Variants in SMARCA2 observed in about 807,000 individuals in gnomAD.
SMARCA2 encodes SWI/SNF related BAF chromatin remodeling complex subunit ATPase 2, also known as SWI/SNF-related matrix-associated actin-dependent regulator of chromatin subfamily A member 2.
SMARCA2 carries 61 observed loss-of-function variants against 199.8 expected under a neutral mutation model. That is an observed-to-expected ratio of 0.31 (90% CI 0.25 to 0.38). The LOEUF (loss-of-function observed/expected upper bound fraction) is 0.38, where lower values mean the gene tolerates loss of function less well. Among genes scored for constraint, SMARCA2 ranks in the 10% least tolerant of loss-of-function variants. SMARCA2 has a pLI of 1.00. For synonymous variants in SMARCA2, 935 were observed against 732.0 expected (o/e 1.28, Z -4.48); for missense variants, 1,344 against 2,012.2 (o/e 0.67, Z 6.35).
At chr9:2,162,141 A>G (rs1825713502) in intron 28 of SMARCA2, among the ~76,000 whole-genome samples, 2 of 152,366 alleles carry the variant, frequency 1.3e-5, no homozygotes, top group African/African-American at 4.8e-5. Flanking sequence ...CAAAATGTTT[A>G]AAATATCTAA....
rs1456408774 is a variant in SMARCA2 at position 2,017,977 on chromosome 9, G to C, written c.-37+2573G>C. 2.0e-5 allele frequency: 3 copies of C among 152,278 alleles called. No individual in the cohort carries two copies. 9.4% of individuals were successfully genotyped at this position (152,278 alleles called of 1,614,324 possible). On this transcript the variant is annotated intron_variant, in intron 1 of 33. Coordinates refer to ENST00000349721, the MANE Select transcript of SMARCA2 (RefSeq NM_003070.5). The surrounding 1 kb of genome is among the most constrained non-coding windows in gnomAD (Gnocchi z 8.8). ...ACTTTCCAGCGGGAGGCACCATGAG[G>C]GGGAAGAAGGCCTTGCTGGCCGCTG...
At chr9:2,063,920 C>T (rs376654836) in intron 9 of SMARCA2, among the ~76,000 whole-genome samples, 1 of 152,090 alleles carries the variant, frequency 6.6e-6, no homozygotes, top group Non-Finnish European at 1.5e-5. Context: ...CATTTTGTAA[C>T]TTCTCATTTT....
At chr9:2,157,392 T>A (rs1458401772) in intron 27 of SMARCA2, among the ~76,000 whole-genome samples, 6 of 152,152 alleles carry the variant, frequency 3.9e-5, no homozygotes, top group Admixed American at 3.9e-4. Flanking sequence ...TCTTTAACGC[T>A]TAGCCCTGGG....
At chr9:2,031,514 T>A (rs1191169191) in intron 2 of SMARCA2, among the ~76,000 whole-genome samples, 2 of 152,256 alleles carry the variant, frequency 1.3e-5, no homozygotes, top group Admixed American at 1.3e-4. Context: ...TCTTTAGCAG[T>A]TAAAAATTCA....
At chr9:2,108,234 C>A (rs1404347997) in intron 23 of SMARCA2, among the ~76,000 whole-genome samples, 1 of 152,126 alleles carries the variant, frequency 6.6e-6, no homozygotes, top group Non-Finnish European at 1.5e-5. Context: ...GGCCAAAGTT[C>A]CTGAAAAACA....
intron 9 of SMARCA2, chr9:2,068,803 G>T (rs1445511165): frequency 6.6e-6 from 1 of 151,848 alleles, no homozygotes; most frequent in Non-Finnish European, 1.5e-5. Flanking sequence ...TTCTGTAGAG[G>T]TGATTTTAAA....
intron 5 of SMARCA2, among the ~76,000 whole-genome samples, chr9:2,050,106 C>G (rs1027012550): frequency 1.3e-5 from 2 of 152,120 alleles, no homozygotes; most frequent in Non-Finnish European, 2.9e-5. Flanking sequence ...TTTCCTTGTT[C>G]ATCATAAAAT....
At chr9:2,173,092 G>A (rs1353146186) in intron 29 of SMARCA2, among the ~76,000 whole-genome samples, 1 of 152,202 alleles carries the variant, frequency 6.6e-6, no homozygotes, top group Non-Finnish European at 1.5e-5. Flanking sequence ...AACTCACATA[G>A]CTCTTGGATC....
rs1396612998 is a variant in SMARCA2 at position 2,039,436 on chromosome 9, C to T, written c.356-30C>T. 5.0e-6 allele frequency: 8 copies of T among 1,596,246 alleles called. No individual in the cohort carries two copies. Among genetic ancestry groups the T allele is most frequent in the Non-Finnish European group, 6.8e-6 (8 of 1,169,252 alleles). On this transcript the variant is annotated intron_variant, in intron 3 of 33. Transcript: ENST00000349721. The surrounding 1 kb of genome is among the most constrained non-coding windows in gnomAD (Gnocchi z 4.8). ...TCTCTTTCAGGGTTGTCAGGGGCAGCCTGTGATTTCCTTTTGTGTTTTATT... is the reference window on the plus strand; with the variant it reads ...TCTCTTTCAGGGTTGTCAGGGGCAGTCTGTGATTTCCTTTTGTGTTTTATT...
Position 2,096,761 on chromosome 9 carries a change from G to A in SMARCA2, c.2988G>A (p.Lys996=), listed in dbSNP as rs1323511679. 1.9e-6 allele frequency: 3 copies of A among 1,599,050 alleles called. No homozygotes were observed. The highest frequency in any genetic ancestry group is 1.7e-5 in the Admixed American group (1 of 60,010). The stretch of plus-strand genomic sequence containing the variant: ...TCACAGATGGTTCTGAGAAAGATAA[G>A]AAGGTACGTTGCGAAAGATGATGCA... ...ILLTDGSEKD[K]KGKGGAKTLM... is the part of the protein sequence containing the mutation. The change falls in exon 20 of 34, where the codon AAG becomes AAA. Residue 996 remains lysine (K), a synonymous_variant. Coordinates refer to ENST00000349721, the MANE Select transcript of SMARCA2 (RefSeq NM_003070.5).
chr9:2,161,628 T>G lies in SMARCA2; in HGVS notation c.3982-58T>G. On this transcript the variant is annotated intron_variant, in intron 27 of 33. Coordinates refer to ENST00000349721, the MANE Select transcript of SMARCA2 (RefSeq NM_003070.5). The surrounding 1 kb of genome is among the most constrained non-coding windows in gnomAD (Gnocchi z 4.7). ...AGCTATATATAAATATACACATACT[T>G]TTTTTGTCTTGGTTATTCTCTTGTC... 8.3e-7 allele frequency: 1 copy of G among 1,203,606 alleles called. No homozygotes were observed. The highest frequency in any genetic ancestry group is 1.2e-6 in the Non-Finnish European group (1 of 826,718). 74.6% of individuals were successfully genotyped at this position (1,203,606 alleles called of 1,614,324 possible).
chr9:2,103,791 C>T (rs1449857678), intron 22 of SMARCA2, among the ~76,000 whole-genome samples: 1 of 152,030 alleles, frequency 6.6e-6, no homozygotes, highest in African/African-American at 2.4e-5. Flanking sequence ...ATATGCAATG[C>T]ACTTTTCATG....
chr9:2,056,621 G>A lies in SMARCA2; in HGVS notation c.1174-51G>A. 6.4e-7 allele frequency: 1 copy of A among 1,559,002 alleles called. No individual in the cohort carries two copies. Among genetic ancestry groups the A allele is most frequent in the Non-Finnish European group, 8.7e-7 (1 of 1,150,074 alleles). ...GCAACCGCGAGAAGGCCAGAGTTCA[G>A]GAACCTAGCTTCTGTTAGGGAAGGC... On this transcript the variant is annotated intron_variant, in intron 6 of 33. Transcript: ENST00000349721. This position sits in a 1 kb window ranked among gnomAD's most constrained non-coding sequence, Gnocchi z 4.0.
intron 24 of SMARCA2, among the ~76,000 whole-genome samples, chr9:2,113,046 C>T (rs1463677320): frequency 6.6e-6 from 1 of 152,032 alleles, no homozygotes; most frequent in Admixed American, 6.6e-5. Context: ...ATTGTATAGC[C>T]CCCAAAATGA....
chr9:2,183,234 C>A (rs1314215296), intron 31 of SMARCA2, among the ~76,000 whole-genome samples: 1 of 152,120 alleles, frequency 6.6e-6, no homozygotes, highest in Non-Finnish European at 1.5e-5. Flanking sequence ...ACTCTTGGAT[C>A]AGGAGCTGAA....
chr9:2,120,802 T>TA (rs1823425861), intron 26 of SMARCA2, among the ~76,000 whole-genome samples: 1 of 152,178 alleles, frequency 6.6e-6, no homozygotes, highest in South Asian at 2.1e-4. Context: ...CCTTCCCAAG[T>TA]AAAGCTATTT....
rs769248231 is a variant in SMARCA2 at position 2,115,811 on chromosome 9, C to T, written c.3457-11C>T. On this transcript the variant is annotated splice_polypyrimidine_tract_variant and intron_variant, in intron 24 of 33. Coordinates refer to ENST00000349721, the MANE Select transcript of SMARCA2 (RefSeq NM_003070.5). This position sits in a 1 kb window ranked among gnomAD's most constrained non-coding sequence, Gnocchi z 6.0. ...ATCTCAGTCCTCATAGCATATTGAC[C>T]CCCCAAACAGGATCTGCAGGCCCAA... The T allele has an allele frequency of 4.3e-6, 7 of 1,611,584 alleles. No individual in the cohort carries two copies. The South Asian group carries it at 5.5e-5, about 13-fold the overall frequency.
intron 1 of SMARCA2, among the ~76,000 whole-genome samples, chr9:2,024,798 C>G (rs1027994377): frequency 1.3e-5 from 2 of 152,220 alleles, no homozygotes; most frequent in African/African-American, 4.8e-5. Flanking sequence ...TCTCCTGTTG[C>G]AGATGTTACT....
chr9:2,182,108 T>G, intron 30 of SMARCA2, 33 bp from the exon 31 acceptor site: 2 of 1,394,506 alleles, frequency 1.4e-6, no homozygotes, highest in Non-Finnish European at 1.0e-6. Flanking sequence ...CTCTCCCTCT[T>G]TTTTTCTCCA....
Sources: allele counts gnomAD v4.1 joint callset (sites outside exome capture counted in the v4.1 genomes callset), GRCh38; gene constraint gnomAD v4.1.1; non-coding constraint Gnocchi (gnomAD v3.1); transcripts MANE v1.5; gene names NCBI Gene and HGNC (gene_info 2026-07-23, HGNC 2026-07-21).